CAMK4: variants seen among roughly 807,000 people sequenced by gnomAD.
CAMK4 encodes the protein calcium/calmodulin-dependent protein kinase type IV.
Under a neutral mutation model 44.9 loss-of-function variants are expected in CAMK4, and 22 were observed. The ratio of observed to expected loss-of-function variants is 0.49; its 90% CI spans 0.35 to 0.70. The LOEUF is 0.70. Among genes scored for constraint, CAMK4 ranks in the 30% least tolerant of loss-of-function variants. CAMK4 has a pLI of 0.01. For synonymous variants in CAMK4, 218 were observed against 215.4 expected, an observed-to-expected ratio of 1.01 and a Z score of -0.11; for missense variants, 498 against 586.8, an observed-to-expected ratio of 0.85 and a Z score of 1.56.
intron 1 of CAMK4, among the ~76,000 whole-genome samples, chr5:111,259,432 C>T (rs568488782): frequency 2.0e-5 from 3 of 152,244 alleles, no homozygotes; most frequent in African/African-American, 7.2e-5. Context: ...CCCAAGTTCC[C>T]TGAAAGATAT....
chr5:111,356,298 C>A (rs1750350104), intron 2 of CAMK4, among the ~76,000 whole-genome samples: 1 of 151,540 alleles, frequency 6.6e-6, no homozygotes, highest in Admixed American at 6.6e-5. Context: ...GCATAAATGT[C>A]TTCTTTTGAG....
chr5:111,235,132 T>C (rs1168150815), intron 1 of CAMK4, among the ~76,000 whole-genome samples: 1 of 152,214 alleles, frequency 6.6e-6, no homozygotes, highest in African/African-American at 2.4e-5. Context: ...CTTTTACTGA[T>C]TTGAAGGGAC....
intron 1 of CAMK4, among the ~76,000 whole-genome samples, chr5:111,320,756 TCGGC>T (rs1561409282): frequency 6.6e-6 from 1 of 152,200 alleles, no homozygotes. Context: ...TCCACCCGCC[TCGGC>T]CTCCCAAAGT....
intron 1 of CAMK4, among the ~76,000 whole-genome samples, chr5:111,253,246 A>T (rs1749597148): frequency 6.6e-6 from 1 of 152,118 alleles, no homozygotes; most frequent in Non-Finnish European, 1.5e-5. Flanking sequence ...TTTGCCTTTC[A>T]TCTTCCTCTA....
intron 1 of CAMK4, among the ~76,000 whole-genome samples, chr5:111,327,829 A>G (rs369395734): frequency 4.7e-5 from 7 of 149,416 alleles, no homozygotes; most frequent in East Asian, 2.0e-4. Flanking sequence ...GTCTGTTCAT[A>G]TCCTTCGCCC....
intron 7 of CAMK4, among the ~76,000 whole-genome samples, chr5:111,471,813 A>G (rs1370528418): frequency 6.6e-6 from 1 of 152,240 alleles, no homozygotes; most frequent in African/African-American, 2.4e-5. Context: ...GGAAGAGGTC[A>G]GTGGAATGCC....
intron 1 of CAMK4, among the ~76,000 whole-genome samples, chr5:111,278,688 T>G (rs1750875406): frequency 6.6e-6 from 1 of 152,084 alleles, no homozygotes; most frequent in South Asian, 2.1e-4. Context: ...GGCAATTGAG[T>G]CTGTTACAGT....
intron 1 of CAMK4, among the ~76,000 whole-genome samples, chr5:111,308,437 A>G (rs1157750656): frequency 2.6e-5 from 4 of 152,210 alleles, no homozygotes; most frequent in African/African-American, 9.6e-5. Context: ...TTATGAAATA[A>G]TTGATCAGTG....
chr5:111,276,432 T>A (rs577844757), intron 1 of CAMK4, among the ~76,000 whole-genome samples: 117 of 152,280 alleles, frequency 7.7e-4, no homozygotes, highest in Non-Finnish European at 1.3e-3. Context: ...CATTCTGTCA[T>A]TTAAATAATT....
chr5:111,291,474 T>G (rs987866994), intron 1 of CAMK4, among the ~76,000 whole-genome samples: 13 of 152,216 alleles, frequency 8.5e-5, no homozygotes, highest in African/African-American at 3.1e-4. Context: ...ACCTCCTTGG[T>G]GACTTATATT....
At chr5:111,249,039 G>C (rs1457225386) in intron 1 of CAMK4, among the ~76,000 whole-genome samples, 2 of 152,140 alleles carry the variant, frequency 1.3e-5, no homozygotes, top group Non-Finnish European at 2.9e-5. Flanking sequence ...AAAATTTGAA[G>C]TTCAGTTTAA....
At chr5:111,292,182 T>G (rs984651066) in intron 1 of CAMK4, among the ~76,000 whole-genome samples, 1 of 152,216 alleles carries the variant, frequency 6.6e-6, no homozygotes, top group African/African-American at 2.4e-5. Context: ...CAGGACAACG[T>G]GTCCTCATAA....
chr5:111,249,624 G>A (rs1180545240), intron 1 of CAMK4, among the ~76,000 whole-genome samples: 1 of 137,878 alleles, frequency 7.3e-6, no homozygotes, highest in East Asian at 2.0e-4. Flanking sequence ...TTTTATATTT[G>A]TGTGTATATA....
chr5:111,476,790 T>A (rs549257584), intron 8 of CAMK4, among the ~76,000 whole-genome samples: 170 of 152,292 alleles, frequency 1.1e-3, no homozygotes, highest in Non-Finnish European at 1.9e-3. Flanking sequence ...TCAGATAACA[T>A]CAGAGATTCA....
intron 1 of CAMK4, among the ~76,000 whole-genome samples, chr5:111,239,630 AT>A (rs1201682601): frequency 6.6e-6 from 1 of 152,144 alleles, no homozygotes; most frequent in Non-Finnish European, 1.5e-5. Context: ...TTTTAGACAA[AT>A]TTTCATTGAG....
At chr5:111,479,190 C>G (rs1377535723) in intron 9 of CAMK4, among the ~76,000 whole-genome samples, 2 of 152,144 alleles carry the variant, frequency 1.3e-5, no homozygotes, top group Admixed American at 6.5e-5. Flanking sequence ...AGATATACTT[C>G]AAGTAAAACA....
chr5:111,480,289 C>CACACACACACACACACACACACACA (rs70973611), intron 9 of CAMK4, among the ~76,000 whole-genome samples: 2 of 148,010 alleles, frequency 1.4e-5, no homozygotes, highest in African/African-American at 5.1e-5. Context: ...CACACACACA[C>CACACACACACACACACACACACACA]CCCTGGGTAA....
At chr5:111,421,333 TGA>T (rs1484348035) in intron 5 of CAMK4, among the ~76,000 whole-genome samples, 1 of 152,218 alleles carries the variant, frequency 6.6e-6, no homozygotes, top group Non-Finnish European at 1.5e-5. Flanking sequence ...ATGTAGCTTC[TGA>T]ATAAGGGATG....
At chr5:111,476,253 G>C (rs1455654473) in intron 8 of CAMK4, among the ~76,000 whole-genome samples, 2 of 145,068 alleles carry the variant, frequency 1.4e-5, no homozygotes, top group Non-Finnish European at 3.0e-5. Context: ...GTGTGTGTGT[G>C]TGTGTGTGTG....
Sources: gnomAD v4.1 joint callset for allele counts (sites outside exome capture counted in the v4.1 genomes callset) on GRCh38, gnomAD v4.1.1 for gene constraint, MANE v1.5 for transcripts, NCBI Gene and HGNC (gene_info 2026-07-23, HGNC 2026-07-21) for gene names.